The following TOM1L2 variants were observed in gnomAD, a reference collection of about 807,000 sequenced individuals.
TOM1L2 encodes TOM1-like protein 2.
In TOM1L2, 31 loss-of-function variants were observed where a neutral mutation model predicts 67.9. The observed-to-expected ratio is 0.46, with a 90% confidence interval of 0.34 to 0.62. The LOEUF is 0.62. Ranked by LOEUF, TOM1L2 falls within the 20% of genes least tolerant of loss-of-function variation. The pLI, the probability that TOM1L2 is intolerant of heterozygous loss-of-function variation, is 0.01. For synonymous variants in TOM1L2, 256 were observed against 254.0 expected, an observed-to-expected ratio of 1.01 and a Z score of -0.07; for missense variants, 606 against 663.5, an observed-to-expected ratio of 0.91 and a Z score of 0.95.
intron 1 of TOM1L2, among the ~76,000 whole-genome samples, chr17:17,963,884 T>C (rs796386838): frequency 9.2e-5 from 14 of 152,342 alleles, no homozygotes; most frequent in African/African-American, 3.4e-4. Context: ...GACACCGTGC[T>C]AGGGATTTTA....
rs568436106 is a variant in TOM1L2 at position 17,852,512 on chromosome 17, T to C, written c.1279-1560A>G. The stretch of plus-strand genomic sequence containing the variant: ...TTTCAGAAAGGCCCAAGCCAGTCAC[T>C]GATCAGATTAGGAAGAGTCTGTGTT... On this transcript the variant is annotated intron_variant, in intron 12 of 14. Transcript: ENST00000379504. 1.6e-4 allele frequency among the ~76,000 whole-genome samples: 24 copies of C among 152,368 alleles called. No individual in the cohort carries two copies. The South Asian group carries it at 4.1e-3, about 26-fold the overall frequency.
In TOM1L2 at chr17:17,885,491, C is replaced by T. The variant is rs556393221; in HGVS notation, c.367-723G>A. 2.0e-5 allele frequency among the ~76,000 whole-genome samples: 3 copies of T among 152,344 alleles called. No homozygotes were observed. In the East Asian group the frequency reaches 5.8e-4, roughly 29 times the overall value. On this transcript the variant is annotated intron_variant, in intron 4 of 14. Transcript: ENST00000379504. The stretch of plus-strand genomic sequence containing the variant: ...TGATGTCCGCTGCCAAAAATGTCAG[C>T]ACATGTGTGCCCAAATCGAAAAATC...
intron 1 of TOM1L2, among the ~76,000 whole-genome samples, chr17:17,947,940 G>A (rs1227654595): frequency 6.6e-6 from 1 of 151,878 alleles, no homozygotes; most frequent in Non-Finnish European, 1.5e-5. Context: ...AATATACCTG[G>A]TTACAGTCCA....
At chr17:17,935,012 T>G (rs2040465928) in intron 1 of TOM1L2, among the ~76,000 whole-genome samples, 1 of 152,236 alleles carries the variant, frequency 6.6e-6, no homozygotes, top group Non-Finnish European at 1.5e-5. Flanking sequence ...CCATGTGCAC[T>G]GCATACAAAG....
chr17:17,960,425 C>T lies in TOM1L2; in HGVS notation c.52+11837G>A, dbSNP rs567711780. ...CTCAGCTCACAGCAACCTCTGCCTC[C>T]TGGGCTCATGCCATCTTCCCACCTC... On this transcript the variant is annotated intron_variant, in intron 1 of 14. Transcript: ENST00000379504. Among the ~76,000 whole-genome samples the T allele has an allele frequency of 2.6e-5, 4 of 152,320 alleles. No individual in the cohort carries two copies. In the South Asian group the frequency reaches 8.3e-4, roughly 32 times the overall value.
chr17:17,896,745 T>C (rs1263129576), intron 3 of TOM1L2, among the ~76,000 whole-genome samples: 1 of 152,182 alleles, frequency 6.6e-6, no homozygotes, highest in Non-Finnish European at 1.5e-5. Context: ...AGAAGTGATG[T>C]TTAAGTCCAC....
chr17:17,870,749 C>T (rs1033707341), intron 7 of TOM1L2, among the ~76,000 whole-genome samples: 1 of 152,214 alleles, frequency 6.6e-6, no homozygotes, highest in Non-Finnish European at 1.5e-5. Context: ...CCTACCACAT[C>T]ATAAACTCTT....
chr17:17,861,125 G>A (rs908856100), intron 12 of TOM1L2, among the ~76,000 whole-genome samples: 10 of 152,180 alleles, frequency 6.6e-5, no homozygotes, highest in Non-Finnish European at 7.3e-5. Flanking sequence ...GAGAACTTGG[G>A]GCCACTGTGG....
At position 17,877,913 on chromosome 17, in the gene TOM1L2, C is replaced by A. The variant is rs138120331; in HGVS notation, c.777+1714G>T. ...AAAAATCCCAAACCCCCTCTCCCCC[C>A]AAAACACGAAGTATTCCTGCTGTCT... On this transcript the variant is annotated intron_variant, in intron 7 of 14. Coordinates refer to ENST00000379504, the MANE Select transcript of TOM1L2 (RefSeq NM_001082968.2). Among the ~76,000 whole-genome samples the A allele has an allele frequency of 8.4e-3, 1,276 of 152,086 alleles. 11 individuals are homozygous for A. Among genetic ancestry groups the A allele is most frequent in the Admixed American group, 0.013 (203 of 15,290 alleles).
chr17:17,914,203 C>A (rs1402998482), intron 1 of TOM1L2, among the ~76,000 whole-genome samples: 1 of 152,080 alleles, frequency 6.6e-6, no homozygotes, highest in Non-Finnish European at 1.5e-5. Context: ...GGGCAGGAGG[C>A]AGGCACCATT....
intron 7 of TOM1L2, among the ~76,000 whole-genome samples, chr17:17,876,303 C>T (rs544952544): frequency 8.5e-5 from 13 of 152,142 alleles, no homozygotes; most frequent in African/African-American, 2.7e-4. Flanking sequence ...TGAGAAGTGA[C>T]GCAGCAGGGT....
At chr17:17,969,279 A>C (rs574390412) in intron 1 of TOM1L2, among the ~76,000 whole-genome samples, 8 of 151,266 alleles carry the variant, frequency 5.3e-5, no homozygotes, top group African/African-American at 1.5e-4. Context: ...CTGGCCTCCA[A>C]CTCCTGACCT....
intron 1 of TOM1L2, among the ~76,000 whole-genome samples, chr17:17,908,939 T>C (rs887182070): frequency 2.0e-5 from 3 of 152,146 alleles, no homozygotes; most frequent in Admixed American, 1.3e-4. Flanking sequence ...TCCCAGCACT[T>C]TGGGAGGCCA....
At chr17:17,955,224 T>C (rs2041379815) in intron 1 of TOM1L2, among the ~76,000 whole-genome samples, 1 of 151,706 alleles carries the variant, frequency 6.6e-6, no homozygotes, top group South Asian at 2.1e-4. Flanking sequence ...CCACCTCTTC[T>C]ATCATACTCA....
At chr17:17,877,554 T>G (rs1022390459) in intron 7 of TOM1L2, among the ~76,000 whole-genome samples, 4 of 152,138 alleles carry the variant, frequency 2.6e-5, no homozygotes, top group Non-Finnish European at 5.9e-5. Context: ...TGCTGGCTTT[T>G]GACTGCCAGG....
rs1045854415 is a variant in TOM1L2 at position 17,847,594 on chromosome 17, A to C, written c.*41T>G. ...CAGTGCCCGGTGTCCACGGGGTGCGAGCGGGGACCCGCCATCTGGGGAGGC... is the reference window on the plus strand; with the variant it reads ...CAGTGCCCGGTGTCCACGGGGTGCGCGCGGGGACCCGCCATCTGGGGAGGC... On this transcript the variant is annotated 3_prime_UTR_variant, in exon 15 of 15. Transcript: ENST00000379504. 6.4e-7 allele frequency: 1 copy of C among 1,570,668 alleles called. No individual in the cohort carries two copies. The highest frequency in any genetic ancestry group is 1.3e-5 in the African/African-American group (1 of 74,184).
rs1042110479 is a variant in TOM1L2, at chr17:17,915,664, C to T, written c.53-8133G>A. Reference sequence around the variant, plus strand: ...CCAAGTAGCTGGGACTTCAGGGATGCACCACCACAACTAGATAATTTTCTT... The same window carrying T: ...CCAAGTAGCTGGGACTTCAGGGATGTACCACCACAACTAGATAATTTTCTT... On this transcript the variant is annotated intron_variant, in intron 1 of 14. Coordinates refer to ENST00000379504, the MANE Select transcript of TOM1L2 (RefSeq NM_001082968.2). Among the ~76,000 whole-genome samples, 6 of 152,126 alleles carry T rather than the reference C, an allele frequency of 3.9e-5. No individual in the cohort carries two copies. The East Asian group carries it at 1.2e-3, about 29-fold the overall frequency.
chr17:17,892,216 G>C (rs1040066648), intron 4 of TOM1L2, among the ~76,000 whole-genome samples: 2 of 152,110 alleles, frequency 1.3e-5, no homozygotes, highest in Non-Finnish European at 2.9e-5. Flanking sequence ...GTGAGCACAG[G>C]GAATGGACAG....
chr17:17,919,094 G>A (rs2039747256), intron 1 of TOM1L2, among the ~76,000 whole-genome samples: 1 of 152,144 alleles, frequency 6.6e-6, no homozygotes, highest in Non-Finnish European at 1.5e-5. Context: ...AGATTTTGGT[G>A]AGTTCTAGTT....
Sources: allele counts gnomAD v4.1 joint callset (sites outside exome capture counted in the v4.1 genomes callset), GRCh38; gene constraint gnomAD v4.1.1; transcripts MANE v1.5; gene names NCBI Gene and HGNC (gene_info 2026-07-23, HGNC 2026-07-21).